The following TRRAP variants were observed in gnomAD, a reference collection of about 807,000 sequenced individuals.
TRRAP encodes the protein transformation/transcription domain-associated protein.
In TRRAP, 41 loss-of-function variants were observed where a neutral mutation model predicts 438.8. The ratio of observed to expected loss-of-function variants is 0.09; its 90% CI spans 0.07 to 0.12. TRRAP has a LOEUF of 0.12. Among genes scored for constraint, TRRAP ranks in the 10% least tolerant of loss-of-function variants. TRRAP has a pLI of 1.00. For synonymous variants in TRRAP, 1,994 were observed against 1,962.9 expected (o/e 1.02, Z -0.42); for missense variants, 3,122 against 5,055.1 (o/e 0.62, Z 11.60).
rs141899953 is a variant in TRRAP, at chr7:98,976,953, C to G, written c.8262C>G (p.Ser2754=). The G allele has an allele frequency of 1.2e-6, 2 of 1,614,076 alleles. No homozygotes were observed. The highest frequency in any genetic ancestry group is 1.3e-5 in the African/African-American group (1 of 75,008). The change falls in exon 56 of 73, where the codon TCC becomes TCG. Residue 2754 remains serine, a synonymous_variant. Coordinates refer to ENST00000456197, the MANE Select transcript of TRRAP (RefSeq NM_001375524.1). This position sits in a 1 kb window ranked among gnomAD's most constrained non-coding sequence, Gnocchi z 4.6. ...TGTGTTTTCAGGAGATACTGGATTC[C>G]CTTGCGGAGCTTTACTCCCTGTTAC... is the stretch of plus-strand genomic sequence containing the variant. ...ITPPQQEILD[S]LAELYSLLQE...
At chr7:98,980,533 T>C (rs1439790470) in intron 58 of TRRAP, among the ~76,000 whole-genome samples, 1 of 151,796 alleles carries the variant, frequency 6.6e-6, no homozygotes, top group Non-Finnish European at 1.5e-5. Flanking sequence ...AAGGAACACA[T>C]GGTCTCCACC....
At chr7:98,972,417 A>C (rs1169562583) in intron 53 of TRRAP, among the ~76,000 whole-genome samples, 2 of 152,174 alleles carry the variant, frequency 1.3e-5, no homozygotes, top group Non-Finnish European at 2.9e-5. Context: ...AAACGGTAAA[A>C]CCGTGTACAA....
chr7:98,999,100 T>G, intron 67 of TRRAP: 5 of 1,409,206 alleles, frequency 3.5e-6, no homozygotes, highest in Non-Finnish European at 4.8e-6. Flanking sequence ...CTCTTTGACC[T>G]GGCCAGGAGT....
rs368832264 is a variant in TRRAP at position 98,976,990 on chromosome 7, A to T, written c.8299A>T (p.Met2767Leu). 2.1e-4 allele frequency: 334 copies of T among 1,614,088 alleles called. No individual in the cohort carries two copies. The highest frequency in any genetic ancestry group is 2.7e-4 in the Non-Finnish European group (313 of 1,180,050). ...ELYSLLQEED[M>L]WAGLWQKRCK... ...TTACTCCCTGTTACAAGAGGAAGAT[A>T]TGTGGGCTGGTCTGTGGCAGAAGCG... The change falls in exon 56 of 73, where the codon ATG (methionine) becomes TTG (leucine). Residue 2767 changes from methionine to leucine, a missense_variant. By Grantham distance (15) the Met-to-Leu change is conservative. Transcript: ENST00000456197. This position sits in a 1 kb window ranked among gnomAD's most constrained non-coding sequence, Gnocchi z 4.6.
intron 62 of TRRAP, among the ~76,000 whole-genome samples, chr7:98,987,842 C>T (rs1464110737): frequency 1.3e-5 from 2 of 152,182 alleles, no homozygotes; most frequent in African/African-American, 4.8e-5. Context: ...GCTTGAGGAA[C>T]TTCCCTTCTG....
chr7:98,929,059 C>G (rs112414044), intron 23 of TRRAP, among the ~76,000 whole-genome samples: 17 of 152,156 alleles, frequency 1.1e-4, no homozygotes, highest in African/African-American at 3.6e-4. Context: ...TCCCTCACCC[C>G]TCCTGAGTAG....
At chr7:98,992,027 C>T in intron 64 of TRRAP, 110 bp from the exon 65 acceptor site, 2 of 1,235,318 alleles carry the variant, frequency 1.6e-6, no homozygotes, top group East Asian at 2.3e-5. Flanking sequence ...GGTCCAAAGG[C>T]AGATCAGACA....
chr7:98,881,316 TA>T, intron 2 of TRRAP, 66 bp downstream of exon 2: 1 of 1,466,534 alleles, frequency 6.8e-7, no homozygotes, highest in Admixed American at 2.0e-5. Context: ...CTCACGTCTG[TA>T]ATCCCAGCAC....
chr7:98,878,968 G>T (rs1464072411), intron 1 of TRRAP, among the ~76,000 whole-genome samples: 3 of 152,156 alleles, frequency 2.0e-5, no homozygotes, highest in Non-Finnish European at 2.9e-5. Flanking sequence ...TGAGCTGAGA[G>T]GTCGGGTGGG....
In TRRAP at chr7:98,911,110, C is replaced by T. The variant is rs1789249009; in HGVS notation, c.1846C>T (p.Arg616Cys). The change falls in exon 17 of 73, where the codon CGT (arginine) becomes TGT (cysteine). Residue 616 changes from arginine to cysteine, a missense_variant. Physicochemically the swap from Arg to Cys is radical, Grantham distance 180 (BLOSUM62 -3). Coordinates refer to ENST00000456197, the MANE Select transcript of TRRAP (RefSeq NM_001375524.1). ...AGCAGGAAATGGACAGACATACATC[C>T]GTGTGGCCAACTGCCAGACTGTGAG... ...QIAGNGQTYIRVANCQTVRMK... is the reference protein window; with the variant it reads ...QIAGNGQTYICVANCQTVRMK... 9.3e-6 allele frequency: 15 copies of T among 1,613,924 alleles called. No homozygotes were observed. The highest frequency in any genetic ancestry group is 2.2e-5 in the East Asian group (1 of 44,884).
At chr7:98,995,324 G>A (rs73711464) in intron 67 of TRRAP, among the ~76,000 whole-genome samples, 15,764 of 151,686 alleles carry the variant, frequency 0.1, 880 homozygotes, top group East Asian at 0.24. Context: ...AGCGTCTGGC[G>A]GGCCAGTGGG....
chr7:98,944,008 A>G (rs1322529180), intron 31 of TRRAP, among the ~76,000 whole-genome samples: 5 of 152,214 alleles, frequency 3.3e-5, no homozygotes, highest in African/African-American at 1.2e-4. Context: ...ACAGCCAAGT[A>G]AGCAAAACTA....
Position 98,948,944 on chromosome 7 carries a change from A to G in TRRAP, c.4788+259A>G, listed in dbSNP as rs1033545786. Among the ~76,000 whole-genome samples, 2 of 152,190 alleles carry G rather than the reference A, an allele frequency of 1.3e-5. No homozygotes were observed. Among genetic ancestry groups the G allele is most frequent in the South Asian group, 2.1e-4 (1 of 4,832 alleles). On this transcript the variant is annotated intron_variant, in intron 35 of 72. Transcript: ENST00000456197. The surrounding 1 kb of genome is among the most constrained non-coding windows in gnomAD (Gnocchi z 4.9). ...TATAAAATCATAAAGTATGATTATTATTTAAAAGTATTTTCTAAGGGCCCA... is the reference window on the plus strand; with the variant it reads ...TATAAAATCATAAAGTATGATTATTGTTTAAAAGTATTTTCTAAGGGCCCA...
chr7:98,992,699 T>C (rs553298288), intron 65 of TRRAP, among the ~76,000 whole-genome samples: 1 of 152,342 alleles, frequency 6.6e-6, no homozygotes, highest in East Asian at 1.9e-4. Context: ...CTATATTGAA[T>C]AGCCCTTGTA....
chr7:98,973,055 C>T (rs1398315625), intron 53 of TRRAP, among the ~76,000 whole-genome samples: 4 of 152,144 alleles, frequency 2.6e-5, no homozygotes, highest in African/African-American at 7.2e-5. Context: ...TCTCGGCTCA[C>T]AGCAACCTCC....
chr7:98,938,345 TAAATA>T (rs782017699), intron 30 of TRRAP, among the ~76,000 whole-genome samples: 1 of 151,860 alleles, frequency 6.6e-6, no homozygotes, highest in Non-Finnish European at 1.5e-5. Flanking sequence ...CCTCAAAAAA[TAAATA>T]AATAAAAACA....
chr7:98,944,765 A>G (rs1790967905), intron 31 of TRRAP, among the ~76,000 whole-genome samples: 1 of 152,194 alleles, frequency 6.6e-6, no homozygotes, highest in South Asian at 2.1e-4. Context: ...AATTGAAGAT[A>G]TGCTAGATCG....
At chr7:98,900,978 C>T (rs1165572953) in intron 11 of TRRAP, among the ~76,000 whole-genome samples, 2 of 152,258 alleles carry the variant, frequency 1.3e-5, no homozygotes, top group Non-Finnish European at 2.9e-5. Flanking sequence ...AGAATGTCAT[C>T]TAAATGGAAA....
At chr7:99,001,004 CAT>C (rs1793895305) in intron 67 of TRRAP, among the ~76,000 whole-genome samples, 2 of 152,246 alleles carry the variant, frequency 1.3e-5, no homozygotes, top group African/African-American at 2.4e-5. Flanking sequence ...AAGTGGTTCA[CAT>C]GTGTGGTATT....
Sources: gnomAD v4.1 joint callset for allele counts (sites outside exome capture counted in the v4.1 genomes callset) on GRCh38, gnomAD v4.1.1 for gene constraint, Gnocchi (gnomAD v3.1) non-coding constraint, MANE v1.5 for transcripts, NCBI Gene and HGNC (gene_info 2026-07-23, HGNC 2026-07-21) for gene names.